SLC6A6: variants seen among roughly 807,000 people sequenced by gnomAD.
The protein encoded by SLC6A6 is sodium- and chloride-dependent taurine transporter.
A neutral mutation model predicts 68.8 loss-of-function variants in SLC6A6; 16 were observed. The observed-to-expected ratio is 0.23, with a 90% CI of 0.16 to 0.35. SLC6A6 has a LOEUF of 0.35. SLC6A6 is among the 10% of genes least tolerant of loss of function. SLC6A6 has a pLI of 1.00. For synonymous variants in SLC6A6, 312 were observed against 315.4 expected (o/e 0.99, Z 0.12); for missense variants, 474 against 802.8 (o/e 0.59, Z 4.95).
At chr3:14,451,551 A>G (rs1283820513) in intron 5 of SLC6A6, among the ~76,000 whole-genome samples, 2 of 152,178 alleles carry the variant, frequency 1.3e-5, no homozygotes, top group Admixed American at 1.3e-4. Flanking sequence ...GGTACATTTG[A>G]ACTTTGTTCT....
chr3:14,423,961 C>T (rs1412505437), intron 2 of SLC6A6, among the ~76,000 whole-genome samples: 7 of 152,108 alleles, frequency 4.6e-5, no homozygotes, highest in Non-Finnish European at 8.8e-5. Context: ...GGTTCTGGAC[C>T]TGCAGGATGA....
In SLC6A6 at chr3:14,438,218, G is replaced by GT. The variant is rs202033964; in HGVS notation, c.-11-5394dup. On this transcript the variant is annotated intron_variant, in intron 2 of 14. Transcript: ENST00000622186. ...AGTATAATAGAATTGCAATGTGGCT[G>GT]TTTTTTTTTTTTAAAGCTACTATTT... Among the ~76,000 whole-genome samples, 569 of 146,874 alleles carry GT rather than the reference G, an allele frequency of 3.9e-3. 2 individuals are homozygous for GT. Among genetic ancestry groups the GT allele is most frequent in the African/African-American group, 0.011 (422 of 40,078 alleles).
intron 1 of SLC6A6, among the ~76,000 whole-genome samples, chr3:14,406,676 C>T (rs1313974779): frequency 1.3e-5 from 2 of 152,138 alleles, no homozygotes; most frequent in Non-Finnish European, 2.9e-5. Context: ...CCTTTCCTGC[C>T]TTACCTGGTC....
At chr3:14,409,970 G>C (rs141824401) in intron 1 of SLC6A6, among the ~76,000 whole-genome samples, 1 of 152,088 alleles carries the variant, frequency 6.6e-6, no homozygotes, top group Non-Finnish European at 1.5e-5. Context: ...GGCGGATCAC[G>C]AGGTCAGGAG....
chr3:14,459,470 C>T (rs9829036), intron 6 of SLC6A6, among the ~76,000 whole-genome samples: 7,394 of 152,168 alleles, frequency 0.049, 586 homozygotes, highest in African/African-American at 0.17. Context: ...CCCTCCAACA[C>T]ACACAGTGCC....
At chr3:14,464,751 G>T (rs778350740) in intron 6 of SLC6A6, among the ~76,000 whole-genome samples, 1 of 152,164 alleles carries the variant, frequency 6.6e-6, no homozygotes, top group African/African-American at 2.4e-5. Context: ...GGGCACATTT[G>T]TCCTGTTCTC....
chr3:14,407,061 T>C (rs1048130009), intron 1 of SLC6A6, among the ~76,000 whole-genome samples: 1 of 151,938 alleles, frequency 6.6e-6, no homozygotes, highest in Non-Finnish European at 1.5e-5. Flanking sequence ...TTGTGGTTTT[T>C]TTTTTTGAGA....
At chr3:14,420,280 A>G (rs939333141) in intron 2 of SLC6A6, among the ~76,000 whole-genome samples, 5 of 152,178 alleles carry the variant, frequency 3.3e-5, no homozygotes, top group East Asian at 3.9e-4. Flanking sequence ...TAAAAATACA[A>G]AAATTAGCTG....
intron 6 of SLC6A6, among the ~76,000 whole-genome samples, chr3:14,465,595 A>G (rs746678293): frequency 6.6e-6 from 1 of 152,242 alleles, no homozygotes; most frequent in Non-Finnish European, 1.5e-5. Flanking sequence ...AATTCTACTC[A>G]TGAGGAAACA....
intron 6 of SLC6A6, among the ~76,000 whole-genome samples, chr3:14,466,174 A>G (rs563588631): frequency 6.6e-6 from 1 of 151,954 alleles, no homozygotes; most frequent in East Asian, 1.9e-4. Flanking sequence ...AGCCAGGAGA[A>G]TCACTTGAAC....
intron 1 of SLC6A6, among the ~76,000 whole-genome samples, chr3:14,414,882 G>T (rs145449892): frequency 1.8e-4 from 28 of 152,286 alleles, no homozygotes; most frequent in African/African-American, 6.3e-4. Flanking sequence ...AATTGGTAAG[G>T]TTTTGCCCTA....
Position 14,481,808 on chromosome 3 carries a change from C to A in SLC6A6, c.1689C>A (p.Ile563=). ...SMLCVPLVIV[I]RLCQTEGPFL... ...TCTGCGTTCCCTTGGTCATCGTCAT[C>A]CGCCTCTGCCAGACTGAGGGGCCGT... The change falls in exon 14 of 15, where the codon ATC becomes ATA. Residue 563 remains isoleucine (I), a synonymous_variant. Transcript: ENST00000622186. The surrounding 1 kb of genome is among the most constrained non-coding windows in gnomAD (Gnocchi z 4.7). 2 of 1,614,104 alleles carry A rather than the reference C, an allele frequency of 1.2e-6. No individual in the cohort carries two copies. Among genetic ancestry groups the A allele is most frequent in the Non-Finnish European group, 1.7e-6 (2 of 1,179,980 alleles).
chr3:14,453,892 G>A (rs1273450306), intron 5 of SLC6A6, among the ~76,000 whole-genome samples: 2 of 152,196 alleles, frequency 1.3e-5, no homozygotes, highest in Non-Finnish European at 2.9e-5. Context: ...GCAGGATCGC[G>A]TTCGACCTGT....
intron 14 of SLC6A6, 34 bp from the exon 15 acceptor site, chr3:14,484,833 C>G: frequency 3.1e-6 from 5 of 1,604,540 alleles, no homozygotes; most frequent in Non-Finnish European, 4.3e-6. Context: ...GGCCGCCTGA[C>G]GTTTCCCCCC....
At chr3:14,417,313 A>C (rs559094694) in intron 2 of SLC6A6, among the ~76,000 whole-genome samples, 5 of 152,354 alleles carry the variant, frequency 3.3e-5, no homozygotes, top group Non-Finnish European at 2.9e-5. Flanking sequence ...CATTCGCTTC[A>C]TCTCTTTCTC....
chr3:14,441,216 A>T (rs933960065), intron 2 of SLC6A6, among the ~76,000 whole-genome samples: 2 of 152,102 alleles, frequency 1.3e-5, no homozygotes, highest in African/African-American at 4.8e-5. Flanking sequence ...CAATGAGGTC[A>T]TGAGCTTCTG....
chr3:14,460,688 C>T (rs1229648524), intron 6 of SLC6A6, among the ~76,000 whole-genome samples: 4 of 152,242 alleles, frequency 2.6e-5, no homozygotes, highest in Non-Finnish European at 4.4e-5. Flanking sequence ...CGAGCAAAGA[C>T]GTGATCTTCC....
At chr3:14,437,401 G>A (rs564549923) in intron 2 of SLC6A6, among the ~76,000 whole-genome samples, 19 of 152,204 alleles carry the variant, frequency 1.2e-4, no homozygotes, top group Admixed American at 3.9e-4. Flanking sequence ...GGGACTACAG[G>A]CATGTGCCAC....
intron 1 of SLC6A6, among the ~76,000 whole-genome samples, chr3:14,405,829 T>C (rs1011290903): frequency 1.3e-5 from 2 of 152,084 alleles, no homozygotes; most frequent in African/African-American, 4.8e-5. Flanking sequence ...GGGTTCAAGG[T>C]AGAGTGTTGG....
Sources: allele counts gnomAD v4.1 joint callset (sites outside exome capture counted in the v4.1 genomes callset), GRCh38; gene constraint gnomAD v4.1.1; non-coding constraint Gnocchi (gnomAD v3.1); transcripts MANE v1.5; gene names NCBI Gene and HGNC (gene_info 2026-07-23, HGNC 2026-07-21).